NRG1: variants seen among roughly 807,000 people sequenced by gnomAD.
NRG1 encodes neuregulin 1, also known as pro-neuregulin-1, membrane-bound isoform.
In NRG1, 18 loss-of-function variants were observed where a neutral mutation model predicts 63.8. That is an observed-to-expected ratio of 0.28 (90% CI 0.19 to 0.42). The LOEUF is 0.42. NRG1 is among the 10% of genes least tolerant of loss of function. The probability of loss-of-function intolerance (pLI) is 1.00; values close to 1 mark genes in which losing one functional copy is unlikely to be tolerated. For missense variants in NRG1, 762 were observed against 814.7 expected (o/e 0.94, Z 0.79); for synonymous variants, 302 against 301.3 (o/e 1.00, Z -0.02).
chr8:32,363,525 G>A (rs1416380256), intron 1 of NRG1, among the ~76,000 whole-genome samples: 1 of 152,134 alleles, frequency 6.6e-6, no homozygotes, highest in South Asian at 2.1e-4. Context: ...TGGGTTTTAT[G>A]ATAAATAACT....
At chr8:31,646,703 T>C (rs1804321250) in intron 1 of NRG1, among the ~76,000 whole-genome samples, 1 of 152,136 alleles carries the variant, frequency 6.6e-6, no homozygotes, top group Non-Finnish European at 1.5e-5. Flanking sequence ...AAATTCCTGT[T>C]GAATAATTAA....
chr8:32,179,006 G>A (rs903471682), intron 1 of NRG1, among the ~76,000 whole-genome samples: 2 of 151,922 alleles, frequency 1.3e-5, no homozygotes, highest in Admixed American at 1.3e-4. Context: ...ATTTTAAGTA[G>A]AGATGTACAT....
intron 1 of NRG1, among the ~76,000 whole-genome samples, chr8:32,311,990 C>T (rs1197516678): frequency 6.6e-6 from 1 of 152,080 alleles, no homozygotes; most frequent in African/African-American, 2.4e-5. Context: ...GCAGTGTTTG[C>T]TCAACCTGTT....
intron 1 of NRG1, among the ~76,000 whole-genome samples, chr8:32,436,333 G>A (rs1434650690): frequency 6.6e-6 from 1 of 152,114 alleles, no homozygotes; most frequent in African/African-American, 2.4e-5. Flanking sequence ...GGAATTATGG[G>A]AGCTACAATT....
At chr8:31,893,322 G>A (rs1164853407) in intron 1 of NRG1, among the ~76,000 whole-genome samples, 1 of 150,998 alleles carries the variant, frequency 6.6e-6, no homozygotes, top group Non-Finnish European at 1.5e-5. Context: ...AAGGTTAAGT[G>A]GGAACAAAAA....
At chr8:31,717,775 G>C (rs954976680) in intron 1 of NRG1, among the ~76,000 whole-genome samples, 1 of 151,948 alleles carries the variant, frequency 6.6e-6, no homozygotes, top group Non-Finnish European at 1.5e-5. Flanking sequence ...TTGTAACCTA[G>C]CTGAATGAAA....
chr8:32,475,300 A>G (rs1824373227), intron 1 of NRG1, among the ~76,000 whole-genome samples: 1 of 151,646 alleles, frequency 6.6e-6, no homozygotes, highest in Non-Finnish European at 1.5e-5. Context: ...CCCCAGCTCT[A>G]CTAAAAATAC....
At chr8:32,295,152 G>A (rs1327353392) in intron 1 of NRG1, among the ~76,000 whole-genome samples, 1 of 152,064 alleles carries the variant, frequency 6.6e-6, no homozygotes, top group Non-Finnish European at 1.5e-5. Flanking sequence ...TCCTAATTAA[G>A]ACAAAATTTT....
intron 1 of NRG1, among the ~76,000 whole-genome samples, chr8:32,054,855 CTTTCTTTCTTTTTTTTTTTT>C (rs1822594590): frequency 3.6e-5 from 2 of 56,306 alleles, no homozygotes; most frequent in African/African-American, 7.5e-5. Context: ...AAGCAGATTT[CTTTCTTTCTTTTTTTTTTTT>C]TTTTTTTTTT....
rs1239388586 is a variant in NRG1 at position 31,949,427 on chromosome 8, G to GC, written c.37+309998dup. 2.6e-5 allele frequency among the ~76,000 whole-genome samples: 4 copies of GC among 152,208 alleles called. No individual in the cohort carries two copies. In the East Asian group the frequency reaches 7.7e-4, roughly 29 times the overall value. On this transcript the variant is annotated intron_variant, in intron 1 of 10. Transcript: ENST00000519301. ...CCCATTCAGTTAGGCTTCTGCCACT[G>GC]CCATCAAAATGAAAATTAAACAGGG...
rs1164598404 is a variant in NRG1, at chr8:32,720,996, A to G, written c.503-6953A>G. Among the ~76,000 whole-genome samples, 3 of 152,212 alleles carry G rather than the reference A, an allele frequency of 2.0e-5. No homozygotes were observed. In the East Asian group the frequency reaches 5.8e-4, roughly 29 times the overall value. On this transcript the variant is annotated intron_variant, in intron 5 of 11. Transcript: ENST00000356819. The stretch of plus-strand genomic sequence containing the variant: ...ACAAAAATTATAATTTTGTTTTATC[A>G]GGAGAAACACCCAAAGGTCACTTTT...
chr8:32,587,471 T>A (rs1841819675), intron 1 of NRG1, among the ~76,000 whole-genome samples: 1 of 152,180 alleles, frequency 6.6e-6, no homozygotes, highest in Non-Finnish European at 1.5e-5. Flanking sequence ...TAGATTTACA[T>A]GTCATTTTTG....
chr8:32,027,653 A>G (rs574668509), intron 1 of NRG1, among the ~76,000 whole-genome samples: 7 of 152,140 alleles, frequency 4.6e-5, no homozygotes, highest in Admixed American at 1.3e-4. Flanking sequence ...TGAGAACTGA[A>G]TTTACTTTCA....
intron 1 of NRG1, among the ~76,000 whole-genome samples, chr8:32,418,454 A>G (rs1345838814): frequency 6.6e-6 from 1 of 151,956 alleles, no homozygotes; most frequent in Non-Finnish European, 1.5e-5. Context: ...AAAAATATCA[A>G]TTAGATATTT....
At chr8:32,087,755 C>T (rs1020496334) in intron 1 of NRG1, among the ~76,000 whole-genome samples, 5 of 152,096 alleles carry the variant, frequency 3.3e-5, no homozygotes, top group Non-Finnish European at 7.4e-5. Flanking sequence ...AGGCGTGAGG[C>T]GCTGCGCCTA....
chr8:32,083,311 A>G (rs1827751338), intron 1 of NRG1, among the ~76,000 whole-genome samples: 1 of 152,232 alleles, frequency 6.6e-6, no homozygotes, highest in South Asian at 2.1e-4. Context: ...AAATCGGGAG[A>G]AAAAAGGCTT....
At chr8:32,230,924 G>T (rs1018971560) in intron 1 of NRG1, among the ~76,000 whole-genome samples, 1 of 151,892 alleles carries the variant, frequency 6.6e-6, no homozygotes, top group African/African-American at 2.4e-5. Flanking sequence ...ATAAATTATT[G>T]TTGAGTATCA....
At chr8:32,538,164 C>T (rs1832217929) in intron 1 of NRG1, among the ~76,000 whole-genome samples, 1 of 152,040 alleles carries the variant, frequency 6.6e-6, no homozygotes, top group Admixed American at 6.6e-5. Flanking sequence ...GACAGTGACC[C>T]TCTGAGGGTC....
In NRG1 at chr8:31,760,070, G is replaced by A. The variant is rs183888305; in HGVS notation, c.37+120639G>A. On this transcript the variant is annotated intron_variant, in intron 1 of 10. Coordinates refer to the NRG1 transcript ENST00000519301. ...CTGAACCCCTCAAAGTTACCCATGC[G>A]GATTGGAATCAACTTTGTCCAAACT... Among the ~76,000 whole-genome samples, 1,381 of 152,116 alleles carry A rather than the reference G, an allele frequency of 9.1e-3. 21 individuals are homozygous for A. The highest frequency in any genetic ancestry group is 0.031 in the African/African-American group (1,306 of 41,514).
Sources: allele counts gnomAD v4.1 joint callset (sites outside exome capture counted in the v4.1 genomes callset), GRCh38; gene constraint gnomAD v4.1.1; transcripts MANE v1.5; gene names NCBI Gene and HGNC (gene_info 2026-07-23, HGNC 2026-07-21).